The following RIPOR3 variants were observed in gnomAD, a reference collection of about 807,000 sequenced individuals.
RIPOR3 encodes family with sequence similarity 65 member C.
RIPOR3 carries 95 observed loss-of-function variants against 114.3 expected under a neutral mutation model. That is an observed-to-expected ratio of 0.83 (90% CI 0.70 to 0.99). RIPOR3 has a LOEUF of 0.99. Among genes scored for constraint, RIPOR3 ranks in the 50% least tolerant of loss-of-function variants. RIPOR3 has a pLI of 0.00. For synonymous variants in RIPOR3, 575 were observed against 543.8 expected (o/e 1.06, Z -0.80); for missense variants, 1,252 against 1,266.9 (o/e 0.99, Z 0.18).
intron 19 of RIPOR3, 33 bp from the exon 20 acceptor site, chr20:50,589,802 G>A (rs1472553140): frequency 1.3e-6 from 2 of 1,592,310 alleles, no homozygotes; most frequent in East Asian, 2.3e-5. Context: ...GAATGGAGGG[G>A]TAAGCAGAAG....
intron 1 of RIPOR3, among the ~76,000 whole-genome samples, chr20:50,658,570 C>G (rs536705138): frequency 6.6e-6 from 1 of 151,922 alleles, no homozygotes; most frequent in South Asian, 2.1e-4. Flanking sequence ...AAAAATTAGC[C>G]AGGTGTGGTG....
intron 1 of RIPOR3, 72 bp downstream of exon 1, chr20:50,691,054 C>T: frequency 7.8e-7 from 1 of 1,289,148 alleles, no homozygotes; most frequent in Non-Finnish European, 1.0e-6. Flanking sequence ...CTCCTGTCAC[C>T]CCCAGCTCCA....
intron 1 of RIPOR3, among the ~76,000 whole-genome samples, chr20:50,671,832 G>T (rs1035738448): frequency 5.3e-5 from 8 of 151,578 alleles, no homozygotes; most frequent in African/African-American, 1.9e-4. Context: ...GGATGGATGA[G>T]TGGGTAGATG....
At chr20:50,594,872 G>A (rs2083235933) in intron 16 of RIPOR3, 158 bp from the exon 17 acceptor site, 5 of 774,560 alleles carry the variant, frequency 6.5e-6, no homozygotes, top group Non-Finnish European at 8.0e-6. Context: ...TGACACGTGA[G>A]CAACTTTGGC....
intron 13 of RIPOR3, 85 bp from the exon 14 acceptor site, chr20:50,597,795 T>A (rs1202132299): frequency 3.9e-6 from 6 of 1,520,188 alleles, no homozygotes; most frequent in African/African-American, 1.4e-5. Context: ...CACGGCAGAC[T>A]TGGGCAATGT....
chr20:50,644,676 C>CTTTTTTTTTTTTTTTTTTTTTT (rs61225138), intron 1 of RIPOR3, among the ~76,000 whole-genome samples: 2 of 74,614 alleles, frequency 2.7e-5, no homozygotes, highest in Non-Finnish European at 4.9e-5. Flanking sequence ...TTTTTGTTTG[C>CTTTTTTTTTTTTTTTTTTTTTT]TTTTTTTTTT....
intron 2 of RIPOR3, 40 bp from the exon 3 acceptor site, chr20:50,620,172 G>A (rs900123234): frequency 1.2e-6 from 2 of 1,603,954 alleles, no homozygotes; most frequent in South Asian, 1.1e-5. Context: ...TCAGAGAAGG[G>A]CCCTGACAAA....
chr20:50,675,566 C>T (rs1338669723), intron 1 of RIPOR3, among the ~76,000 whole-genome samples: 2 of 152,212 alleles, frequency 1.3e-5, no homozygotes, highest in African/African-American at 4.8e-5. Context: ...GAGCCACTTC[C>T]TTGCTCAGTC....
rs2083512841 is a variant in RIPOR3 at position 50,602,025 on chromosome 20, A to G, written c.1659+47T>C. On this transcript the variant is annotated intron_variant, in intron 13 of 21. Coordinates refer to ENST00000327979, the MANE Select transcript of RIPOR3 (RefSeq NM_001290268.2). This position sits in a 1 kb window ranked among gnomAD's most constrained non-coding sequence, Gnocchi z 4.3. ...CCAGAGCCCCCGACTCCCAGTCATC[A>G]TGCCATCAGCAAAGCAGGGCCACCG... is the stretch of plus-strand genomic sequence containing the variant. 8 of 1,435,046 alleles carry G rather than the reference A, an allele frequency of 5.6e-6. No homozygotes were observed. The highest frequency in any genetic ancestry group is 1.4e-5 in the African/African-American group (1 of 69,550). The allele number at this position is 1,435,046 out of a possible 1,614,324, so 88.9% of individuals were successfully genotyped here.
intron 1 of RIPOR3, 136 bp downstream of exon 1, chr20:50,690,990 G>A (rs1272876132): frequency 7.0e-6 from 8 of 1,140,676 alleles, no homozygotes; most frequent in Non-Finnish European, 9.3e-6. Context: ...CTCAACCCAG[G>A]TTCCCTCCTC....
At chr20:50,679,440 C>T (rs917109095) in intron 1 of RIPOR3, among the ~76,000 whole-genome samples, 2 of 150,066 alleles carry the variant, frequency 1.3e-5, no homozygotes, top group African/African-American at 4.9e-5. Context: ...TTCAGGAGTT[C>T]GAGACCAGCC....
chr20:50,591,687 C>T (rs1273823908), intron 19 of RIPOR3, among the ~76,000 whole-genome samples: 1 of 152,074 alleles, frequency 6.6e-6, no homozygotes, highest in East Asian at 1.9e-4. Flanking sequence ...TAGTTACAGG[C>T]AAAGAGTGAA....
intron 16 of RIPOR3, 84 bp from the exon 17 acceptor site, chr20:50,594,798 C>G: frequency 6.8e-7 from 1 of 1,479,648 alleles, no homozygotes; most frequent in South Asian, 1.3e-5. Context: ...CCACTAGGAC[C>G]TGAGGGGGTA....
chr20:50,601,115 G>A (rs1239092726), intron 13 of RIPOR3, among the ~76,000 whole-genome samples: 1 of 152,202 alleles, frequency 6.6e-6, no homozygotes, highest in East Asian at 1.9e-4. Context: ...GGCCTGCCGG[G>A]GCCAGGTGGG....
chr20:50,653,394 A>G (rs1204423456), intron 1 of RIPOR3, among the ~76,000 whole-genome samples: 1 of 152,040 alleles, frequency 6.6e-6, no homozygotes, highest in Non-Finnish European at 1.5e-5. Context: ...ATGGTTGCAC[A>G]GCTTTGTGAA....
intron 3 of RIPOR3, among the ~76,000 whole-genome samples, chr20:50,619,551 C>T (rs1055529681): frequency 1.3e-5 from 2 of 152,236 alleles, no homozygotes; most frequent in Non-Finnish European, 2.9e-5. Flanking sequence ...AAACACCCAC[C>T]GCCCTGACCT....
At chr20:50,638,689 A>G (rs1024099525) in intron 1 of RIPOR3, among the ~76,000 whole-genome samples, 1 of 151,704 alleles carries the variant, frequency 6.6e-6, no homozygotes, top group African/African-American at 2.4e-5. Flanking sequence ...GTGGGGGATG[A>G]AGGAAGATAA....
At chr20:50,591,029 C>T (rs2083089003) in intron 19 of RIPOR3, among the ~76,000 whole-genome samples, 1 of 152,096 alleles carries the variant, frequency 6.6e-6, no homozygotes, top group African/African-American at 2.4e-5. Context: ...CATTAAACTA[C>T]CGTTAAACTT....
At position 50,586,187 on chromosome 20, in the gene RIPOR3, A is replaced by C. The variant is rs1029740218; in HGVS notation, c.*1045T>G. 1 of 160,500 alleles carries C rather than the reference A, an allele frequency of 6.2e-6. No individual in the cohort carries two copies. Among genetic ancestry groups the C allele is most frequent in the African/African-American group, 2.4e-5 (1 of 41,826 alleles). 9.9% of individuals were successfully genotyped at this position (160,500 alleles called of 1,614,324 possible). A position where few individuals can be genotyped will look rare whatever the true frequency, so the allele number is the denominator to read the frequency against. On this transcript the variant is annotated 3_prime_UTR_variant, in exon 22 of 22. Transcript: ENST00000327979. ...CATATGAACAAGGCAAATAAATACT[A>C]AGTAAGTTAAAAACACAAAATATGT...
Sources: allele counts gnomAD v4.1 joint callset (sites outside exome capture counted in the v4.1 genomes callset), GRCh38; gene constraint gnomAD v4.1.1; non-coding constraint Gnocchi (gnomAD v3.1); transcripts MANE v1.5; gene names NCBI Gene and HGNC (gene_info 2026-07-23, HGNC 2026-07-21).